Variants in KRT32 observed in about 807,000 individuals in gnomAD.
KRT32 encodes keratin, type I cuticular Ha2.
A neutral mutation model predicts 41.8 loss-of-function variants in KRT32; 44 were observed. That is an observed-to-expected ratio of 1.05 (90% CI 0.83 to 1.35). The LOEUF (loss-of-function observed/expected upper bound fraction) is 1.35, where lower values mean the gene tolerates loss of function less well. KRT32 is among the 40% of genes most tolerant of loss of function. KRT32 has a pLI of 0.00. For synonymous variants in KRT32, 238 were observed against 242.5 expected (o/e 0.98, Z 0.17); for missense variants, 576 against 584.6 (o/e 0.99, Z 0.15).
chr17:41,463,312 T>A (rs191060642), intron 5 of KRT32, among the ~76,000 whole-genome samples: 2 of 152,240 alleles, frequency 1.3e-5, no homozygotes, highest in African/African-American at 4.8e-5. Flanking sequence ...CCTTCAGGAT[T>A]GGATCTGAGA....
chr17:41,466,054 G>T (rs962286481), intron 2 of KRT32, 40 bp downstream of exon 2: 4 of 1,610,200 alleles, frequency 2.5e-6, no homozygotes, highest in Non-Finnish European at 3.4e-6. Flanking sequence ...AGCCTATGAG[G>T]ACAGGTCCTC....
At chr17:41,460,388 C>G (rs1355277531) in intron 6 of KRT32, 149 bp from the exon 7 acceptor site, 6 of 998,890 alleles carry the variant, frequency 6.0e-6, no homozygotes, top group Non-Finnish European at 9.0e-6. Context: ...GCCATCTTTG[C>G]CTGAGTCACC....
chr17:41,465,483 A>G (rs1197529909), intron 3 of KRT32, among the ~76,000 whole-genome samples: 1 of 152,028 alleles, frequency 6.6e-6, no homozygotes, highest in Non-Finnish European at 1.5e-5. Flanking sequence ...TGCAGAAGGG[A>G]AGGGGGCTAC....
Position 41,463,013 on chromosome 17 carries a change from G to T in KRT32, c.1034C>A (p.Ala345Asp), listed in dbSNP as rs1285600294. 2.5e-6 allele frequency: 4 copies of T among 1,614,050 alleles called. No homozygotes were observed. The East Asian group carries it at 8.9e-5, about 36-fold the overall frequency. Reference sequence around the variant, plus strand: ...CTGGGCCAGCTGGGAGCTGTAGCGGGCCTCACTCTCCGTCAGCGTGTTTTC... The same window carrying T: ...CTGGGCCAGCTGGGAGCTGTAGCGGTCCTCACTCTCCGTCAGCGTGTTTTC... The part of the protein sequence containing the change: ...SLENTLTESE[A>D]RYSSQLAQMQ... The change falls in exon 6 of 7, where the codon GCC becomes GAC. Residue 345 changes from alanine to aspartate, a missense_variant. Coordinates refer to ENST00000225899, the MANE Select transcript of KRT32 (RefSeq NM_002278.3).
At chr17:41,466,274 G>T in intron 1 of KRT32, 98 bp from the exon 2 acceptor site, 3 of 929,980 alleles carry the variant, frequency 3.2e-6, no homozygotes, top group Non-Finnish European at 5.0e-6. Context: ...GGATCCAGCA[G>T]CCCTGCAGCC....
intron 6 of KRT32, among the ~76,000 whole-genome samples, chr17:41,461,042 G>A (rs546155384): frequency 2.6e-5 from 4 of 152,130 alleles, no homozygotes; most frequent in South Asian, 4.1e-4. Flanking sequence ...GCCCTGTGCC[G>A]TACATCTCTG....
At position 41,467,166 on chromosome 17, in the gene KRT32, T is replaced by C; in HGVS notation, c.160A>G (p.Thr54Ala). Residue 54 changes from threonine to alanine, a missense_variant, in exon 1 of 7, where the codon ACC (threonine) becomes GCC (alanine). Coordinates refer to ENST00000225899, the MANE Select transcript of KRT32 (RefSeq NM_002278.3). ...MACLPSVCLP[T>A]TFRPASCLSK... ...AGGCAGCTGGCTGGCCGGAAGGTGG[T>C]GGGCAGGCAGACCGAAGGCAGGCAT... 1.2e-6 allele frequency: 2 copies of C among 1,613,994 alleles called. No individual in the cohort carries two copies. Among genetic ancestry groups the C allele is most frequent in the Non-Finnish European group, 1.7e-6 (2 of 1,180,034 alleles).
intron 1 of KRT32, among the ~76,000 whole-genome samples, chr17:41,466,576 G>A (rs537032385): frequency 2.6e-5 from 4 of 152,178 alleles, no homozygotes; most frequent in South Asian, 2.1e-4. Context: ...ATTAGATAAC[G>A]ACCATTATTA....
At chr17:41,465,171 G>C (rs1258336568) in intron 3 of KRT32, among the ~76,000 whole-genome samples, 1 of 152,104 alleles carries the variant, frequency 6.6e-6, no homozygotes, top group African/African-American at 2.4e-5. Flanking sequence ...AACTTCAGGA[G>C]ATAAGGAAAA....
Position 41,459,837 on chromosome 17 carries a change from A to G in KRT32, c.*273T>C, listed in dbSNP as rs2018981222. ...TTGCAAGGCCACTGAGTACAGCTCT[A>G]TTTGCCAGTTAACTAAGAACACACG... On this transcript the variant is annotated 3_prime_UTR_variant, in exon 7 of 7. Transcript: ENST00000225899. 1 of 291,956 alleles carries G rather than the reference A, an allele frequency of 3.4e-6. No homozygotes were observed. The highest frequency in any genetic ancestry group is 6.4e-6 in the Non-Finnish European group (1 of 155,650). The allele number at this position is 291,956 out of a possible 1,614,324, so 18.1% of individuals were successfully genotyped here.
chr17:41,466,218 A>T, intron 1 of KRT32, 42 bp from the exon 2 acceptor site: 1 of 1,554,564 alleles, frequency 6.4e-7, no homozygotes, highest in Non-Finnish European at 8.8e-7. Context: ...TCAGGATGAG[A>T]CGAAGCAAGA....
rs1168103261 is a variant in KRT32, at chr17:41,466,914, T to C, written c.412A>G (p.Thr138Ala). 5.0e-6 allele frequency: 8 copies of C among 1,614,116 alleles called. No individual in the cohort carries two copies. The highest frequency in any genetic ancestry group is 6.8e-6 in the Non-Finnish European group (8 of 1,180,046). The change falls in exon 1 of 7, where the codon ACC becomes GCC. Residue 138 changes from threonine to alanine, a missense_variant. Thr to Ala is a moderately conservative substitution (Grantham distance 58). Coordinates refer to ENST00000225899, the MANE Select transcript of KRT32 (RefSeq NM_002278.3). The stretch of plus-strand genomic sequence containing the variant: ...TGAGACTGGTAGTCAGGAGTCATGG[T>C]GAGCACCTGGGAGTGAGAGGCCTCT... ...IQEASHSQVL[T>A]MTPDYQSHFR...
chr17:41,461,790 A>G (rs1309491804), intron 6 of KRT32, among the ~76,000 whole-genome samples: 1 of 152,236 alleles, frequency 6.6e-6, no homozygotes, highest in African/African-American at 2.4e-5. Flanking sequence ...ATTCTGAATG[A>G]TGGAGAAGCA....
chr17:41,464,239 C>T, intron 4 of KRT32, 36 bp from the exon 5 acceptor site: 1 of 1,589,190 alleles, frequency 6.3e-7, no homozygotes, highest in East Asian at 2.2e-5. Flanking sequence ...AGAGTCCCTT[C>T]CTAGGGATAT....
In KRT32 at chr17:41,466,348, G is replaced by A. The variant is rs540987557; in HGVS notation, c.469-172C>T. ...ATATTTAGCGAATTGCTAGTCCTTG[G>A]AGAACTTGAGATGTATTTTTTAAGA... On this transcript the variant is annotated intron_variant, in intron 1 of 6. Transcript: ENST00000225899. 1.1e-4 allele frequency among the ~76,000 whole-genome samples: 16 copies of A among 152,324 alleles called. No homozygotes were observed. In the South Asian group the frequency reaches 2.1e-3, roughly 20 times the overall value.
At chr17:41,460,878 A>G (rs572442664) in intron 6 of KRT32, among the ~76,000 whole-genome samples, 1 of 152,256 alleles carries the variant, frequency 6.6e-6, no homozygotes, top group African/African-American at 2.4e-5. Flanking sequence ...AAAATAAAAT[A>G]AAGAAAAGCA....
In KRT32 at chr17:41,460,245, G is replaced by T; in HGVS notation, c.1218-6C>A. 6.3e-7 allele frequency: 1 copy of T among 1,585,366 alleles called. No homozygotes were observed. The highest frequency in any genetic ancestry group is 8.6e-7 in the Non-Finnish European group (1 of 1,165,420). On this transcript the variant is annotated splice_region_variant and splice_polypyrimidine_tract_variant and intron_variant, in intron 6 of 6. Transcript: ENST00000225899. The stretch of plus-strand genomic sequence containing the variant: ...AGCATGGGTTACAGGGCAGCCTGCA[G>T]GAGAAAGTCAAAGAGAAACAGGATT...
In KRT32 at chr17:41,462,976, C is replaced by A; in HGVS notation, c.1071G>T (p.Met357Ile). Reference sequence around the variant, plus strand: ...CCAGCTGGGCCTCAACGTTGGTGATCATGCACTGCATCTGGGCCAGCTGGG... The same window carrying A: ...CCAGCTGGGCCTCAACGTTGGTGATAATGCACTGCATCTGGGCCAGCTGGG... Reference protein sequence around the residue: ...YSSQLAQMQCMITNVEAQLAE... With the variant: ...YSSQLAQMQCIITNVEAQLAE... Residue 357 changes from methionine to isoleucine, a missense_variant, in exon 6 of 7, where the codon ATG becomes ATT. Met to Ile is a conservative substitution (Grantham distance 10). Transcript: ENST00000225899. 6.2e-7 allele frequency: 1 copy of A among 1,614,058 alleles called. No homozygotes were observed. Among genetic ancestry groups the A allele is most frequent in the Non-Finnish European group, 8.5e-7 (1 of 1,179,922 alleles).
chr17:41,466,332 G>A lies in KRT32; in HGVS notation c.469-156C>T, dbSNP rs369999050. Among the ~76,000 whole-genome samples the A allele has an allele frequency of 1.1e-4, 16 of 152,344 alleles. No homozygotes were observed. The East Asian group carries it at 1.3e-3, about 13-fold the overall frequency. ...CCTGGAACTCTGGGAGATATTTAGC[G>A]AATTGCTAGTCCTTGGAGAACTTGA... On this transcript the variant is annotated intron_variant, in intron 1 of 6. Coordinates refer to ENST00000225899, the MANE Select transcript of KRT32 (RefSeq NM_002278.3).
Sources: allele counts gnomAD v4.1 joint callset (sites outside exome capture counted in the v4.1 genomes callset), GRCh38; gene constraint gnomAD v4.1.1; transcripts MANE v1.5; gene names NCBI Gene and HGNC (gene_info 2026-07-23, HGNC 2026-07-21).